RASEF: variants seen among roughly 807,000 people sequenced by gnomAD.
RASEF encodes ras and EF-hand domain-containing protein.
Under a neutral mutation model 90.1 loss-of-function variants are expected in RASEF, and 68 were observed. The observed-to-expected ratio is 0.75, with a 90% CI of 0.62 to 0.92. The LOEUF (loss-of-function observed/expected upper bound fraction) is 0.92, where lower values mean the gene tolerates loss of function less well. Ranked by LOEUF, RASEF falls within the 40% of genes least tolerant of loss-of-function variation. The pLI, the probability that RASEF is intolerant of heterozygous loss-of-function variation, is 0.00. For missense variants in RASEF, 949 were observed against 937.2 expected, an observed-to-expected ratio of 1.01 and a Z score of -0.16; for synonymous variants, 331 against 345.2, an observed-to-expected ratio of 0.96 and a Z score of 0.46.
In RASEF at chr9:83,037,742, C is replaced by CT. The variant is rs765207270; in HGVS notation, c.432-11822dup. 2.0e-4 allele frequency among the ~76,000 whole-genome samples: 21 copies of CT among 104,332 alleles called. No individual in the cohort carries two copies. The East Asian group carries it at 4.4e-3, about 22-fold the overall frequency. 68.4% of individuals were successfully genotyped at this position (104,332 alleles called of 152,430 possible). A position where few individuals can be genotyped will look rare whatever the true frequency, so the allele number is the denominator to read the frequency against. ...TACTTAGCAAATCATTGTAAATGTCCTATTTTTTTTTTTTTTTTTTGTAAA... is the reference window on the plus strand; with the variant it reads ...TACTTAGCAAATCATTGTAAATGTCCTTATTTTTTTTTTTTTTTTTTGTAAA... On this transcript the variant is annotated intron_variant, in intron 1 of 16. Transcript: ENST00000376447.
chr9:83,110,078 G>T, the RASEF span, among the ~76,000 whole-genome samples: 218 of 152,220 alleles, frequency 1.4e-3, no homozygotes, highest in Admixed American at 3.3e-3. Context: ...AAAATTAAAT[G>T]ACCAAAACTC....
chr9:83,039,292 G>C (rs1275948454), intron 1 of RASEF, among the ~76,000 whole-genome samples: 1 of 152,062 alleles, frequency 6.6e-6, no homozygotes, highest in Non-Finnish European at 1.5e-5. Context: ...GTTTTCTGTG[G>C]CTGTTTTACC....
intron 1 of RASEF, among the ~76,000 whole-genome samples, chr9:83,029,906 T>C (rs534872008): frequency 2.0e-5 from 3 of 152,346 alleles, no homozygotes; most frequent in African/African-American, 7.2e-5. Context: ...GTAAGCCATA[T>C]TTATTACGGG....
At chr9:83,175,013 T>G in the RASEF span, among the ~76,000 whole-genome samples, 1 of 152,148 alleles carries the variant, frequency 6.6e-6, no homozygotes, top group East Asian at 1.9e-4. Context: ...ACTGGGGTGT[T>G]TAATAGTAAA....
chr9:82,998,364 C>T lies in RASEF; in HGVS notation c.1805+1G>A, dbSNP rs1348313538. On this transcript the variant is annotated splice_donor_variant, in intron 13 of 16. Transcript: ENST00000376447. LOFTEE classifies it high-confidence loss of function. ...CCCATAGCGCTGCGGAATGCACTTG[C>T]CTCTCCTGACCAGCTGTATCCCAGA... 6.2e-7 allele frequency: 1 copy of T among 1,606,236 alleles called. No individual in the cohort carries two copies. The highest frequency in any genetic ancestry group is 1.7e-5 in the Admixed American group (1 of 59,944).
At chr9:83,020,355 C>T (rs527376690) in intron 3 of RASEF, among the ~76,000 whole-genome samples, 169 of 151,840 alleles carry the variant, frequency 1.1e-3, no homozygotes, top group Admixed American at 2.0e-3. Context: ...GGGCTGGGGG[C>T]GAAGAACCCT....
At chr9:83,082,135 C>A in the RASEF span, among the ~76,000 whole-genome samples, 1 of 152,118 alleles carries the variant, frequency 6.6e-6, no homozygotes, top group Non-Finnish European at 1.5e-5. Context: ...ATGATCTTGG[C>A]CCTTGGAACC....
At chr9:83,030,688 C>T (rs1829629522) in intron 1 of RASEF, among the ~76,000 whole-genome samples, 1 of 152,178 alleles carries the variant, frequency 6.6e-6, no homozygotes, top group Non-Finnish European at 1.5e-5. Context: ...TTACAGGGCA[C>T]ACAGGGAGAT....
the RASEF span, among the ~76,000 whole-genome samples, chr9:83,099,964 C>T: frequency 2.0e-5 from 3 of 152,306 alleles, no homozygotes; most frequent in African/African-American, 7.2e-5. Context: ...AGCACAGCAT[C>T]CATCATCTTA....
intron 1 of RASEF, among the ~76,000 whole-genome samples, chr9:83,046,603 C>T (rs952898749): frequency 2.0e-5 from 3 of 152,202 alleles, no homozygotes; most frequent in Non-Finnish European, 2.9e-5. Flanking sequence ...TTACAGCATT[C>T]CCATCAGAAA....
chr9:83,188,568 A>C, the RASEF span, among the ~76,000 whole-genome samples: 7 of 152,328 alleles, frequency 4.6e-5, no homozygotes, highest in South Asian at 2.1e-4. Flanking sequence ...GAATGGAACA[A>C]GAGACAATGT....
At chr9:83,006,929 T>TA (rs1829144011) in intron 7 of RASEF, among the ~76,000 whole-genome samples, 1 of 151,566 alleles carries the variant, frequency 6.6e-6, no homozygotes, top group African/African-American at 2.4e-5. Flanking sequence ...CCGTCTCTAC[T>TA]AAAAAAATAC....
At chr9:83,086,969 C>T in the RASEF span, among the ~76,000 whole-genome samples, 1 of 152,078 alleles carries the variant, frequency 6.6e-6, no homozygotes. Context: ...GGTGTGAATC[C>T]CAGGAGTTGG....
chr9:83,083,361 G>A, the RASEF span, among the ~76,000 whole-genome samples: 1 of 152,106 alleles, frequency 6.6e-6, no homozygotes, highest in Middle Eastern at 3.2e-3. Flanking sequence ...ATTTTGAAAC[G>A]CATATATTTT....
chr9:83,063,781 A>AAGGT (rs1830257300), upstream of RASEF, among the ~76,000 whole-genome samples: 3 of 152,346 alleles, frequency 2.0e-5, no homozygotes, highest in South Asian at 6.2e-4. Context: ...TACATATCCA[A>AAGGT]AGGTAGGTTA....
the RASEF span, among the ~76,000 whole-genome samples, chr9:83,179,230 C>T: frequency 2.0e-5 from 3 of 152,120 alleles, no homozygotes; most frequent in African/African-American, 7.2e-5. Context: ...AAATGTTTAT[C>T]TGTATACCAC....
At chr9:83,192,492 G>A in the RASEF span, among the ~76,000 whole-genome samples, 3 of 152,162 alleles carry the variant, frequency 2.0e-5, no homozygotes, top group African/African-American at 7.2e-5. Flanking sequence ...ACTTACAAGT[G>A]GAAGCTAAAT....
upstream of RASEF, among the ~76,000 whole-genome samples, chr9:83,066,418 C>A (rs188660586): frequency 1.5e-3 from 234 of 152,280 alleles, 1 homozygote; most frequent in African/African-American, 5.4e-3. Context: ...ATAACCCCAG[C>A]AATATACTCA....
the RASEF span, among the ~76,000 whole-genome samples, chr9:83,089,324 A>C: frequency 4.0e-5 from 6 of 151,060 alleles, no homozygotes; most frequent in Non-Finnish European, 1.5e-5. Context: ...AGCTATAAAC[A>C]AAAAAAATTT....
Sources: allele counts gnomAD v4.1 joint callset (sites outside exome capture counted in the v4.1 genomes callset), GRCh38; gene constraint gnomAD v4.1.1; transcripts MANE v1.5; gene names NCBI Gene and HGNC (gene_info 2026-07-23, HGNC 2026-07-21).